Variants in ATM observed in about 807,000 individuals in gnomAD.
ATM encodes the protein ATM serine/threonine kinase, also known as serine-protein kinase ATM.
A neutral mutation model predicts 387.0 loss-of-function variants in ATM; 308 were observed. That is an observed-to-expected ratio of 0.80 (90% CI 0.73 to 0.87). ATM has a LOEUF of 0.87. Ranked by LOEUF, ATM falls within the 40% of genes least tolerant of loss-of-function variation. ATM has a pLI of 0.00. For missense variants in ATM, 3,312 were observed against 3,560.9 expected (o/e 0.93, Z 1.78); for synonymous variants, 1,156 against 1,187.3 (o/e 0.97, Z 0.54).
chr11:108,353,660 A>C (rs944117581), intron 59 of ATM, 106 bp from the exon 60 acceptor site: 7 of 881,334 alleles, frequency 7.9e-6, no homozygotes, highest in African/African-American at 1.6e-5. Context: ...TGTTCATAGA[A>C]CGTAGGTAAC....
chr11:108,325,368 C>T lies in ATM; in HGVS notation c.6631C>T (p.Leu2211Phe), dbSNP rs1555119051. ...TATTAAGTGGCAGAAACACTCCCAG[C>T]TTCTCAAGGACAGTGATTTTAGTTT... ...VYIKWQKHSQLLKDSDFSFQE... is the reference protein window; with the variant it reads ...VYIKWQKHSQFLKDSDFSFQE... The change falls in exon 46 of 63, where the codon CTT becomes TTT. Residue 2211 changes from leucine to phenylalanine, a missense_variant. This residue lies in a region of ATM where 1,405 missense variants were observed against 1,604.4 expected (regional missense o/e 0.88). Coordinates refer to ENST00000675843, the MANE Select transcript of ATM (RefSeq NM_000051.4). 1 of 1,612,912 alleles carries T rather than the reference C, an allele frequency of 6.2e-7. No homozygotes were observed. The highest frequency in any genetic ancestry group is 8.5e-7 in the Non-Finnish European group (1 of 1,179,802).
At chr11:108,319,030 A>G (rs1446075584) in intron 43 of ATM, among the ~76,000 whole-genome samples, 2 of 152,052 alleles carry the variant, frequency 1.3e-5, no homozygotes, top group Non-Finnish European at 2.9e-5. Flanking sequence ...TACAAAAGTT[A>G]GCTGGGCAAG....
chr11:108,251,116 A>C (rs764665456), intron 10 of ATM, 44 bp downstream of exon 10: 1 of 1,611,268 alleles, frequency 6.2e-7, no homozygotes, highest in South Asian at 1.1e-5. Flanking sequence ...ATAAACACAC[A>C]CAGACACACA....
At chr11:108,358,502 C>A (rs2090314472) in intron 61 of ATM, among the ~76,000 whole-genome samples, 1 of 148,644 alleles carries the variant, frequency 6.7e-6, no homozygotes, top group African/African-American at 2.5e-5. Flanking sequence ...GTCAGATTCA[C>A]CAAAGTTGAA....
chr11:108,231,695 T>TC (rs2079018736), intron 4 of ATM: 1 of 28,462 alleles, frequency 3.5e-5, no homozygotes, highest in Non-Finnish European at 7.5e-5. Context: ...AAACTCTGTC[T>TC]CAAAAAAAAA....
In ATM at chr11:108,335,049, T is replaced by A. The variant is rs756887364; in HGVS notation, c.8091T>A (p.Asn2697Lys). The A allele has an allele frequency of 1.2e-6, 2 of 1,614,084 alleles. No homozygotes were observed. Among genetic ancestry groups the A allele is most frequent in the Non-Finnish European group, 1.7e-6 (2 of 1,180,002 alleles). Residue 2697 changes from asparagine (N) to lysine (K), a missense_variant, in exon 55 of 63, where the codon AAT becomes AAA. Physicochemically the swap from Asn to Lys is moderately conservative, Grantham distance 94 (BLOSUM62 0). This residue lies in a region of ATM where 1,405 missense variants were observed against 1,604.4 expected (regional missense o/e 0.88). Transcript: ENST00000675843. ...KAEFRLAGGV[N>K]LPKIIDCVGS... ...AATTTCGCTTAGCAGGAGGTGTAAA[T>A]TTACCAAAAATAATAGATTGTGTAG...
At chr11:108,274,322 T>C (rs1189034256) in intron 22 of ATM, among the ~76,000 whole-genome samples, 2 of 143,732 alleles carry the variant, frequency 1.4e-5, no homozygotes, top group Non-Finnish European at 3.1e-5. Context: ...CCTGGATTAA[T>C]TGATTTTTTT....
At chr11:108,310,046 G>A (rs2084010809) in intron 38 of ATM, 114 bp from the exon 39 acceptor site, 5 of 1,139,904 alleles carry the variant, frequency 4.4e-6, no homozygotes, top group Non-Finnish European at 5.0e-6. Context: ...TGGTTTTTGG[G>A]AATTTGTAAT....
rs545892367 is a variant in ATM, at chr11:108,271,243, T to A, written c.2922-8T>A. ...TAAAGTTGAACTTTTTTTTTTTTTTTACCACAGCAATGTGTGTTCTTTGTA... is the reference window on the plus strand; with the variant it reads ...TAAAGTTGAACTTTTTTTTTTTTTTAACCACAGCAATGTGTGTTCTTTGTA... On this transcript the variant is annotated splice_region_variant and splice_polypyrimidine_tract_variant and intron_variant, in intron 19 of 62. Coordinates refer to ENST00000675843, the MANE Select transcript of ATM (RefSeq NM_000051.4). 2 of 1,612,860 alleles carry A rather than the reference T, an allele frequency of 1.2e-6. No homozygotes were observed. Among genetic ancestry groups the A allele is most frequent in the Admixed American group, 1.7e-5 (1 of 59,922 alleles).
chr11:108,267,487 A>AT (rs539495734), intron 17 of ATM, 145 bp downstream of exon 17: 1,525 of 550,622 alleles, frequency 2.8e-3, no homozygotes, highest in Non-Finnish European at 3.0e-3. Flanking sequence ...TATATACTTT[A>AT]TTTTTTTTTT....
chr11:108,242,518 T>C (rs959025940), intron 5 of ATM, among the ~76,000 whole-genome samples: 2 of 152,150 alleles, frequency 1.3e-5, no homozygotes, highest in Middle Eastern at 3.2e-3. Flanking sequence ...GATGACATGA[T>C]TGTCTATATA....
At chr11:108,334,134 A>G (rs1307272009) in intron 54 of ATM, among the ~76,000 whole-genome samples, 166 bp downstream of exon 54, 1 of 152,154 alleles carries the variant, frequency 6.6e-6, no homozygotes, top group Non-Finnish European at 1.5e-5. Flanking sequence ...CCCAAGCCCT[A>G]AAATACTCAA....
At chr11:108,287,784 C>A in intron 27 of ATM, 69 bp downstream of exon 27, 1 of 1,089,820 alleles carries the variant, frequency 9.2e-7, no homozygotes, top group Non-Finnish European at 1.4e-6. Flanking sequence ...TATTGGTTGA[C>A]ACCTTCAATG....
At chr11:108,237,237 C>T (rs753486525) in intron 5 of ATM, among the ~76,000 whole-genome samples, 13 of 152,098 alleles carry the variant, frequency 8.5e-5, no homozygotes, top group Non-Finnish European at 1.6e-4. Flanking sequence ...GTAACAGGGC[C>T]CTCAACAAGC....
chr11:108,267,686 A>G (rs1010210250), intron 17 of ATM, among the ~76,000 whole-genome samples: 7 of 152,170 alleles, frequency 4.6e-5, no homozygotes, highest in East Asian at 1.9e-4. Flanking sequence ...GTGAAACCCC[A>G]TCTCTACTAA....
At chr11:108,267,867 A>C (rs1205540050) in intron 17 of ATM, among the ~76,000 whole-genome samples, 1 of 152,228 alleles carries the variant, frequency 6.6e-6, no homozygotes, top group East Asian at 1.9e-4. Context: ...CAAAAAAAGA[A>C]ATAAAATCAT....
rs681479 is a variant in ATM at position 108,294,977 on chromosome 11, A to C, written c.4827A>C (p.Thr1609=). 1 of 1,613,894 alleles carries C rather than the reference A, an allele frequency of 6.2e-7. No homozygotes were observed. Among genetic ancestry groups the C allele is most frequent in the Non-Finnish European group, 8.5e-7 (1 of 1,179,836 alleles). The change falls in exon 32 of 63, where the codon ACA becomes ACC. Residue 1609 remains threonine, a synonymous_variant. Coordinates refer to ENST00000675843, the MANE Select transcript of ATM (RefSeq NM_000051.4). ...GTGTTTATGATGCACTTCCATTGAC[A>C]AGACTTGAAGGACTAAAGGATCTTC... ...SVSVYDALPL[T]RLEGLKDLRR... is the part of the protein sequence containing the mutation.
chr11:108,268,879 A>G (rs555926295), intron 18 of ATM, among the ~76,000 whole-genome samples: 1 of 152,334 alleles, frequency 6.6e-6, no homozygotes, highest in African/African-American at 2.4e-5. Context: ...AGGCTAAGAA[A>G]CATAGACCCT....
rs3218690 is a variant in ATM at position 108,227,865 on chromosome 11, T to C, written c.162T>C (p.Tyr54=). ...ATTCAGATTCCAAACAAGGAAAATA[T>C]TTGAATTGGGATGCTGTTTTTAGGT... ...DRHSDSKQGK[Y]LNWDAVFRFL... The change falls in exon 3 of 63, where the codon TAT becomes TAC. Residue 54 remains tyrosine, a synonymous_variant. Coordinates refer to ENST00000675843, the MANE Select transcript of ATM (RefSeq NM_000051.4). 2.6e-3 allele frequency: 4,202 copies of C among 1,613,016 alleles called. 7 individuals carry two copies. Among genetic ancestry groups the C allele is most frequent in the Non-Finnish European group, 3.2e-3 (3,743 of 1,179,596 alleles).
Sources: allele counts gnomAD v4.1 joint callset (sites outside exome capture counted in the v4.1 genomes callset), GRCh38; gene constraint gnomAD v4.1.1; regional missense constraint gnomAD v4.1.1; transcripts MANE v1.5; gene names NCBI Gene and HGNC (gene_info 2026-07-23, HGNC 2026-07-21).